DNER: variants seen among roughly 807,000 people sequenced by gnomAD.
DNER encodes the protein delta/notch like EGF repeat containing.
A neutral mutation model predicts 78.2 loss-of-function variants in DNER; 33 were observed. The ratio of observed to expected loss-of-function variants is 0.42; its 90% CI spans 0.32 to 0.56. The LOEUF (loss-of-function observed/expected upper bound fraction) is 0.56, where lower values mean the gene tolerates loss of function less well. DNER is among the 20% of genes least tolerant of loss of function. The pLI, the probability that DNER is intolerant of heterozygous loss-of-function variation, is 0.11. For synonymous variants in DNER, 417 were observed against 384.8 expected (o/e 1.08, Z -0.98); for missense variants, 918 against 975.3 (o/e 0.94, Z 0.78).
At chr2:229,376,857 C>T (rs902449659) in intron 11 of DNER, among the ~76,000 whole-genome samples, 1 of 152,112 alleles carries the variant, frequency 6.6e-6, no homozygotes, top group African/African-American at 2.4e-5. Context: ...TTTTAAACAT[C>T]TTGGTTTATA....
chr2:229,624,091 A>G (rs1698297744), intron 1 of DNER, among the ~76,000 whole-genome samples: 1 of 152,192 alleles, frequency 6.6e-6, no homozygotes, highest in African/African-American at 2.4e-5. Context: ...AGTGTTTATA[A>G]AAGTCTCTTG....
chr2:229,439,643 C>G (rs901466209), intron 8 of DNER, among the ~76,000 whole-genome samples: 1 of 152,154 alleles, frequency 6.6e-6, no homozygotes, highest in African/African-American at 2.4e-5. Flanking sequence ...GTGATTGGAT[C>G]ATAATAATTT....
chr2:229,653,085 A>G (rs2154216330), intron 1 of DNER, among the ~76,000 whole-genome samples: 1 of 152,304 alleles, frequency 6.6e-6, no homozygotes, highest in East Asian at 1.9e-4. Flanking sequence ...TATTTCCATG[A>G]GGCTCAGTTT....
intron 1 of DNER, among the ~76,000 whole-genome samples, chr2:229,710,191 C>A (rs1371572027): frequency 1.3e-5 from 2 of 152,150 alleles, no homozygotes; most frequent in African/African-American, 2.4e-5. Context: ...CCTTTTTATT[C>A]CAGCTGAGCA....
chr2:229,712,453 G>A (rs536091718), intron 1 of DNER, among the ~76,000 whole-genome samples: 5 of 152,188 alleles, frequency 3.3e-5, no homozygotes, highest in South Asian at 2.1e-4. Context: ...AAATCGATGG[G>A]CACTCTAACC....
At chr2:229,559,656 GA>G (rs1696919547) in intron 4 of DNER, among the ~76,000 whole-genome samples, 1 of 151,628 alleles carries the variant, frequency 6.6e-6, no homozygotes, top group Non-Finnish European at 1.5e-5. Context: ...GAGGGAGGAG[GA>G]AAAATGACAG....
At chr2:229,374,618 C>G (rs556972885) in intron 11 of DNER, among the ~76,000 whole-genome samples, 1 of 152,124 alleles carries the variant, frequency 6.6e-6, no homozygotes, top group Non-Finnish European at 1.5e-5. Flanking sequence ...ATATAGGAAG[C>G]AACTGAGACT....
At chr2:229,616,209 G>A (rs558709097) in intron 1 of DNER, among the ~76,000 whole-genome samples, 12 of 152,248 alleles carry the variant, frequency 7.9e-5, no homozygotes, top group African/African-American at 2.6e-4. Flanking sequence ...CTACTACCAC[G>A]GACCACCACG....
chr2:229,399,932 G>T (rs189645936), intron 10 of DNER, among the ~76,000 whole-genome samples: 1 of 151,936 alleles, frequency 6.6e-6, no homozygotes, highest in African/African-American at 2.4e-5. Flanking sequence ...CTCACAAAGG[G>T]GTCTGGGGGG....
chr2:229,702,628 C>T (rs895079795), intron 1 of DNER, among the ~76,000 whole-genome samples: 11 of 151,420 alleles, frequency 7.3e-5, no homozygotes, highest in African/African-American at 2.4e-4. Flanking sequence ...GTTAAGAATC[C>T]TGGTTCTGGC....
intron 1 of DNER, among the ~76,000 whole-genome samples, chr2:229,687,759 C>T (rs1032300872): frequency 2.3e-4 from 35 of 152,318 alleles, no homozygotes; most frequent in African/African-American, 8.4e-4. Context: ...ACTTATCTGT[C>T]ACAACATTTT....
chr2:229,515,976 A>T (rs2154212412), intron 5 of DNER, among the ~76,000 whole-genome samples: 1 of 152,296 alleles, frequency 6.6e-6, no homozygotes, highest in South Asian at 2.1e-4. Flanking sequence ...TTAGAGATAA[A>T]ACAGAAGCCA....
At chr2:229,477,355 G>A in intron 6 of DNER, 102 bp from the exon 7 acceptor site, 1 of 696,372 alleles carries the variant, frequency 1.4e-6, no homozygotes, top group South Asian at 2.2e-5. Flanking sequence ...CCCAGTGAAG[G>A]CAGTGGCAGC....
intron 4 of DNER, among the ~76,000 whole-genome samples, chr2:229,577,697 G>A (rs948113407): frequency 1.3e-5 from 2 of 151,926 alleles, no homozygotes; most frequent in Non-Finnish European, 2.9e-5. Context: ...CTGATCCAAA[G>A]GAGAATATTC....
At chr2:229,372,714 G>A (rs1692513070) in intron 11 of DNER, among the ~76,000 whole-genome samples, 1 of 152,178 alleles carries the variant, frequency 6.6e-6, no homozygotes. Context: ...AAGGGTTTGA[G>A]GAGCAAGGAC....
intron 1 of DNER, among the ~76,000 whole-genome samples, chr2:229,710,918 A>C (rs952517806): frequency 6.6e-6 from 1 of 151,824 alleles, no homozygotes; most frequent in Non-Finnish European, 1.5e-5. Context: ...TCCCACAGAG[A>C]CAGGATGGAC....
intron 8 of DNER, among the ~76,000 whole-genome samples, chr2:229,439,253 C>T (rs772767999): frequency 1.6e-4 from 24 of 152,226 alleles, no homozygotes; most frequent in Non-Finnish European, 2.4e-4. Flanking sequence ...TCCAGTCCAA[C>T]TCTAACCTTG....
At chr2:229,551,325 A>C (rs75289638) in intron 4 of DNER, among the ~76,000 whole-genome samples, 2,414 of 152,280 alleles carry the variant, frequency 0.016, 77 homozygotes, top group African/African-American at 0.055. Flanking sequence ...TTTAATAGGA[A>C]GTGCCCACAT....
chr2:229,621,276 T>C (rs1656069277), intron 1 of DNER, among the ~76,000 whole-genome samples: 1 of 152,228 alleles, frequency 6.6e-6, no homozygotes, highest in Admixed American at 6.5e-5. Context: ...CATTCCTACA[T>C]ACCGTTGTCA....
Sources: allele counts gnomAD v4.1 joint callset (sites outside exome capture counted in the v4.1 genomes callset), GRCh38; gene constraint gnomAD v4.1.1; transcripts MANE v1.5; gene names NCBI Gene and HGNC (gene_info 2026-07-23, HGNC 2026-07-21).